Variants in ADCY8 observed in about 807,000 individuals in gnomAD.
ADCY8 encodes the protein adenylate cyclase 8.
Under a neutral mutation model 119.7 loss-of-function variants are expected in ADCY8, and 51 were observed. The ratio of observed to expected loss-of-function variants is 0.43; its 90% CI spans 0.34 to 0.54. ADCY8 has a LOEUF of 0.54. ADCY8 is among the 20% of genes least tolerant of loss of function. ADCY8 has a pLI of 0.03. For missense variants in ADCY8, 1,383 were observed against 1,598.8 expected (o/e 0.87, Z 2.30); for synonymous variants, 665 against 651.0 (o/e 1.02, Z -0.33).
chr8:130,970,620 T>C (rs1186482020), intron 2 of ADCY8, among the ~76,000 whole-genome samples: 2 of 152,188 alleles, frequency 1.3e-5, no homozygotes, highest in Non-Finnish European at 2.9e-5. Flanking sequence ...GGAAAAATTG[T>C]CTTTAGAGAA....
At chr8:131,035,720 A>C (rs1464256028) in intron 1 of ADCY8, among the ~76,000 whole-genome samples, 1 of 152,152 alleles carries the variant, frequency 6.6e-6, no homozygotes, top group East Asian at 1.9e-4. Context: ...CAAAAATGAC[A>C]TTTTCAGTGA....
chr8:130,903,509 A>T (rs1586555081), intron 7 of ADCY8, among the ~76,000 whole-genome samples: 1 of 128,030 alleles, frequency 7.8e-6, no homozygotes. Context: ...TTCACATAAT[A>T]TTTATTTTTA....
At chr8:130,948,675 G>GA (rs111833479) in intron 3 of ADCY8, among the ~76,000 whole-genome samples, 30,051 of 147,846 alleles carry the variant, frequency 0.2, 6,107 homozygotes, top group African/African-American at 0.53. Flanking sequence ...AGCCAAGGGA[G>GA]AAAAAATAAT....
intron 8 of ADCY8, among the ~76,000 whole-genome samples, chr8:130,873,744 T>C (rs180814730): frequency 3.0e-4 from 46 of 152,330 alleles, no homozygotes; most frequent in Admixed American, 3.0e-3. Flanking sequence ...CTCTCAGGTA[T>C]AAGCTGTTAA....
intron 7 of ADCY8, among the ~76,000 whole-genome samples, chr8:130,889,101 C>G (rs780453018): frequency 2.0e-5 from 3 of 152,068 alleles, no homozygotes; most frequent in Non-Finnish European, 4.4e-5. Context: ...GTTAGATCCT[C>G]CTAATTCACT....
intron 11 of ADCY8, among the ~76,000 whole-genome samples, chr8:130,846,863 CTCCCT>C (rs1313154666): frequency 3.0e-5 from 1 of 33,622 alleles, no homozygotes; most frequent in Non-Finnish European, 5.8e-5. Flanking sequence ...CTCCCCTCCC[CTCCCT>C]TCCCTTCCCT....
chr8:131,039,570 G>A lies in ADCY8; in HGVS notation c.764C>T (p.Thr255Ile), dbSNP rs759387076. The A allele has an allele frequency of 6.8e-6, 11 of 1,613,882 alleles. No homozygotes were observed. In the South Asian group the frequency reaches 1.2e-4, roughly 18 times the overall value. Residue 255 changes from threonine to isoleucine, a missense_variant, in exon 1 of 18, where the codon ACC (threonine) becomes ATC (isoleucine). Physicochemically the swap from Thr to Ile is moderately conservative, Grantham distance 89. Transcript: ENST00000286355. ...SGVVTWVAMT[T>I]QILAAGLGYG... Reference sequence around the variant, plus strand: ...GCCGAGGCCTGCTGCCAGGATCTGGGTGGTCATGGCCACCCAGGTGACCAC... The same window carrying A: ...GCCGAGGCCTGCTGCCAGGATCTGGATGGTCATGGCCACCCAGGTGACCAC...
intron 12 of ADCY8, among the ~76,000 whole-genome samples, chr8:130,833,908 TGAG>T (rs1205339312): frequency 6.6e-6 from 1 of 152,066 alleles, no homozygotes; most frequent in African/African-American, 2.4e-5. Context: ...GACATGAAAT[TGAG>T]GAGCTTTTAG....
chr8:130,913,125 A>G (rs920841696), intron 5 of ADCY8, among the ~76,000 whole-genome samples: 2 of 152,174 alleles, frequency 1.3e-5, no homozygotes, highest in South Asian at 2.1e-4. Context: ...GAGGCATGCA[A>G]TGTGAAATAA....
intron 2 of ADCY8, among the ~76,000 whole-genome samples, chr8:130,986,997 A>G (rs76753516): frequency 0.013 from 2,027 of 152,166 alleles, 26 homozygotes; most frequent in Middle Eastern, 0.027. Flanking sequence ...CCTCTCTTCT[A>G]ATAATTAAAG....
chr8:130,881,890 C>A (rs1818787931), intron 8 of ADCY8, among the ~76,000 whole-genome samples: 1 of 150,574 alleles, frequency 6.6e-6, no homozygotes, highest in South Asian at 2.1e-4. Context: ...TGAATTCATG[C>A]AGCAAACCTA....
At chr8:130,946,203 C>T (rs1821101230) in intron 3 of ADCY8, among the ~76,000 whole-genome samples, 1 of 152,176 alleles carries the variant, frequency 6.6e-6, no homozygotes, top group Admixed American at 6.5e-5. Context: ...CTACTATACA[C>T]CAGGCAGTGG....
intron 1 of ADCY8, among the ~76,000 whole-genome samples, chr8:131,000,328 C>T (rs1000991301): frequency 2.6e-5 from 4 of 152,078 alleles, no homozygotes; most frequent in African/African-American, 7.2e-5. Context: ...AGGCAGGACA[C>T]AGGTTTAATA....
intron 14 of ADCY8, among the ~76,000 whole-genome samples, chr8:130,807,632 T>G (rs1366204031): frequency 1.3e-5 from 2 of 152,164 alleles, no homozygotes; most frequent in Non-Finnish European, 2.9e-5. Context: ...TGCTGGCACT[T>G]TGATCTTGGA....
intron 7 of ADCY8, among the ~76,000 whole-genome samples, chr8:130,898,938 G>A (rs554523865): frequency 3.9e-5 from 6 of 152,224 alleles, no homozygotes; most frequent in African/African-American, 9.6e-5. Flanking sequence ...TCACTGCCCC[G>A]CTTTTACCCT....
rs1816962962 is a variant in ADCY8 at position 130,835,641 on chromosome 8, GC to G, written c.2675+635del. On this transcript the variant is annotated intron_variant, in intron 12 of 17. Coordinates refer to ENST00000286355, the MANE Select transcript of ADCY8 (RefSeq NM_001115.3). ...GTAATACGTTTGTCCCTTGGTATCA[GC>G]CCTGTGGATACCAAAATCCATGCAT... Among the ~76,000 whole-genome samples, 3 of 152,046 alleles carry G rather than the reference GC, an allele frequency of 2.0e-5. No individual in the cohort carries two copies. The South Asian group carries it at 6.2e-4, about 32-fold the overall frequency.
chr8:130,947,716 T>C (rs547561125), intron 3 of ADCY8, among the ~76,000 whole-genome samples: 14 of 152,288 alleles, frequency 9.2e-5, no homozygotes, highest in African/African-American at 3.4e-4. Flanking sequence ...TACCATGGCA[T>C]AGGGAGAGAT....
chr8:130,784,317 G>T (rs767512047), intron 16 of ADCY8, among the ~76,000 whole-genome samples: 7 of 152,088 alleles, frequency 4.6e-5, no homozygotes, highest in Non-Finnish European at 8.8e-5. Context: ...GTGTTTAAGG[G>T]ATACATTTGC....
At chr8:130,795,255 A>G (rs1815543698) in intron 15 of ADCY8, among the ~76,000 whole-genome samples, 1 of 152,186 alleles carries the variant, frequency 6.6e-6, no homozygotes, top group Admixed American at 6.5e-5. Flanking sequence ...CAGAGCCTCC[A>G]TGCGGTAAAA....
Sources: allele counts gnomAD v4.1 joint callset (sites outside exome capture counted in the v4.1 genomes callset), GRCh38; gene constraint gnomAD v4.1.1; transcripts MANE v1.5; gene names NCBI Gene and HGNC (gene_info 2026-07-23, HGNC 2026-07-21).